Variants in YIPF4 observed in about 807,000 individuals in gnomAD.
YIPF4 encodes the protein protein YIPF4.
In YIPF4, 18 loss-of-function variants were observed where a neutral mutation model predicts 29.4. The observed-to-expected ratio is 0.61, with a 90% CI of 0.42 to 0.91. The LOEUF (loss-of-function observed/expected upper bound fraction) is 0.91. Ranked by LOEUF, YIPF4 falls within the 40% of genes least tolerant of loss-of-function variation. The probability of loss-of-function intolerance (pLI) is 0.00; values close to 1 mark genes in which losing one functional copy is unlikely to be tolerated. For synonymous variants in YIPF4, 115 were observed against 104.7 expected (o/e 1.10, Z -0.60); for missense variants, 279 against 282.7 (o/e 0.99, Z 0.09).
In YIPF4 at chr2:32,294,013, C is replaced by T. The variant is rs1387675096; in HGVS notation, c.405+1665C>T. 9.4e-5 allele frequency among the ~76,000 whole-genome samples: 14 copies of T among 148,486 alleles called. No individual in the cohort carries two copies. The South Asian group carries it at 1.5e-3, about 16-fold the overall frequency. ...GGGGCTGATCCCCCCACCTCCCTCCCGGACAGGGCGGCTGGCCGGGCAGAG... is the reference window on the plus strand; with the variant it reads ...GGGGCTGATCCCCCCACCTCCCTCCTGGACAGGGCGGCTGGCCGGGCAGAG... On this transcript the variant is annotated intron_variant, in intron 3 of 5. Coordinates refer to ENST00000238831, the MANE Select transcript of YIPF4 (RefSeq NM_032312.4).
chr2:32,282,189 AG>A, intron 1 of YIPF4, among the ~76,000 whole-genome samples: 2 of 152,276 alleles, frequency 1.3e-5, no homozygotes, highest in South Asian at 4.1e-4. Context: ...CCAGCTACTC[AG>A]GAGGCTGAAG....
intron 4 of YIPF4, among the ~76,000 whole-genome samples, chr2:32,300,668 A>C (rs2031374886): frequency 6.6e-6 from 1 of 152,082 alleles, no homozygotes; most frequent in Non-Finnish European, 1.5e-5. Context: ...AAAACCTAGT[A>C]TAATATTTAT....
intron 1 of YIPF4, among the ~76,000 whole-genome samples, chr2:32,285,492 A>T (rs1300232559): frequency 1.3e-5 from 2 of 152,096 alleles, no homozygotes; most frequent in African/African-American, 4.8e-5. Context: ...AGTGATCAGT[A>T]AATTGTAGAT....
chr2:32,300,081 A>T (rs1365824451), intron 4 of YIPF4, among the ~76,000 whole-genome samples: 1 of 152,098 alleles, frequency 6.6e-6, no homozygotes, highest in African/African-American at 2.4e-5. Context: ...AGCCTGTCCA[A>T]CATGGAGAAA....
At chr2:32,298,381 A>G in intron 4 of YIPF4, 70 bp downstream of exon 4, 1 of 1,126,028 alleles carries the variant, frequency 8.9e-7, no homozygotes, top group Admixed American at 2.0e-5. Flanking sequence ...TGCAGATATC[A>G]TCATTAGCTA....
chr2:32,304,254 T>G (rs1426167252), intron 5 of YIPF4, among the ~76,000 whole-genome samples: 2 of 152,134 alleles, frequency 1.3e-5, no homozygotes, highest in African/African-American at 2.4e-5. Flanking sequence ...ATAGTTTAAG[T>G]GCAGTGATTT....
rs1450608770 is a variant in YIPF4, at chr2:32,292,333, A to T, written c.390A>T (p.Leu130Phe). 1.3e-6 allele frequency: 2 copies of T among 1,590,426 alleles called. No homozygotes were observed. The highest frequency in any genetic ancestry group is 3.6e-5 in the Admixed American group (2 of 56,216). Residue 130 changes from leucine to phenylalanine, a missense_variant, in exon 3 of 6, where the codon TTA (leucine) becomes TTT (phenylalanine). Physicochemically the swap from Leu to Phe is conservative, Grantham distance 22. Transcript: ENST00000238831. ...AVVLFFSMIS[L>F]YGQFRVVSWI... ...TTCTTTTCTTTTCCATGATATCATTATATGGACAGTTTAGGGTAAGTATAT... is the reference window on the plus strand; with the variant it reads ...TTCTTTTCTTTTCCATGATATCATTTTATGGACAGTTTAGGGTAAGTATAT...
intron 1 of YIPF4, among the ~76,000 whole-genome samples, chr2:32,287,833 G>A (rs1217426535): frequency 6.6e-6 from 1 of 152,074 alleles, no homozygotes; most frequent in Non-Finnish European, 1.5e-5. Flanking sequence ...TTAAAAGATT[G>A]TATCTTTTTA....
chr2:32,283,468 G>A (rs1177355793), intron 1 of YIPF4, among the ~76,000 whole-genome samples: 1 of 152,004 alleles, frequency 6.6e-6, no homozygotes, highest in Non-Finnish European at 1.5e-5. Flanking sequence ...AATGTGCTTT[G>A]GTGTTTTGTC....
chr2:32,294,150 G>A (rs1479398666), intron 3 of YIPF4, among the ~76,000 whole-genome samples: 6 of 151,144 alleles, frequency 4.0e-5, no homozygotes, highest in African/African-American at 9.7e-5. Flanking sequence ...CAGACGGGTC[G>A]GCTGGCCTGG....
At chr2:32,293,849 C>G (rs1201174387) in intron 3 of YIPF4, among the ~76,000 whole-genome samples, 26 of 145,634 alleles carry the variant, frequency 1.8e-4, no homozygotes, top group Non-Finnish European at 3.8e-4. Flanking sequence ...GGGGCTGACC[C>G]CCCCACCTCC....
Position 32,292,307 on chromosome 2 carries a change from G to T in YIPF4, c.364G>T (p.Val122Phe), listed in dbSNP as rs1338823483. 2.5e-6 allele frequency: 4 copies of T among 1,600,428 alleles called. No individual in the cohort carries two copies. The highest frequency in any genetic ancestry group is 1.7e-5 in the Admixed American group (1 of 58,460). The change falls in exon 3 of 6, where the codon GTT (valine) becomes TTT (phenylalanine). Residue 122 changes from valine to phenylalanine, a missense_variant. Transcript: ENST00000238831. ...TGACTTTTGGGGTCCTCTGGCTGTT[G>T]TTCTTTTCTTTTCCATGATATCATT... ...NPDFWGPLAVVLFFSMISLYG... is the reference protein window; with the variant it reads ...NPDFWGPLAVFLFFSMISLYG...
Position 32,305,946 on chromosome 2 carries a change from T to A in YIPF4, c.*320T>A. 1.0e-6 allele frequency: 1 copy of A among 1,000,358 alleles called. No individual in the cohort carries two copies. Among genetic ancestry groups the A allele is most frequent in the East Asian group, 1.0e-4 (1 of 9,868 alleles). 62.0% of individuals were successfully genotyped at this position (1,000,358 alleles called of 1,614,324 possible). Reference sequence around the variant, plus strand: ...CCAAAAGCACCTGGATTGGTAATTATATTTCACTTAAAGGGTAAATTTGAC... The same window carrying A: ...CCAAAAGCACCTGGATTGGTAATTAAATTTCACTTAAAGGGTAAATTTGAC... On this transcript the variant is annotated 3_prime_UTR_variant, in exon 6 of 6. Coordinates refer to ENST00000238831, the MANE Select transcript of YIPF4 (RefSeq NM_032312.4).
At position 32,306,115 on chromosome 2, in the gene YIPF4, A is replaced by G; in HGVS notation, c.*489A>G. On this transcript the variant is annotated 3_prime_UTR_variant, in exon 6 of 6. Transcript: ENST00000238831. ...CAAAATATATTTCTGATAAACATTA[A>G]GATATTAAATCTGATGCACAAACTT... is the stretch of plus-strand genomic sequence containing the variant. 2.6e-6 allele frequency: 2 copies of G among 775,348 alleles called. No individual in the cohort carries two copies. The highest frequency in any genetic ancestry group is 3.1e-6 in the Non-Finnish European group (2 of 642,594). The allele number at this position is 775,348 out of a possible 1,614,324, so 48.0% of individuals were successfully genotyped here. A position where few individuals can be genotyped will look rare whatever the true frequency, so the allele number is the denominator to read the frequency against.
intron 1 of YIPF4, among the ~76,000 whole-genome samples, chr2:32,286,399 TTTTG>T (rs1250334754): frequency 1.3e-4 from 20 of 152,358 alleles, no homozygotes; most frequent in African/African-American, 2.4e-4. Context: ...AATTTCATCT[TTTTG>T]TTTATCAGAT....
At chr2:32,298,128 GA>G in intron 3 of YIPF4, 105 bp from the exon 4 acceptor site, 1 of 818,138 alleles carries the variant, frequency 1.2e-6, no homozygotes, top group South Asian at 1.5e-5. Flanking sequence ...TCTATGACCT[GA>G]AATTGGGCAT....
chr2:32,293,815 C>T lies in YIPF4; in HGVS notation c.405+1467C>T, dbSNP rs1474183434. Among the ~76,000 whole-genome samples the T allele has an allele frequency of 1.1e-4, 16 of 150,212 alleles. No individual in the cohort carries two copies. The South Asian group carries it at 1.5e-3, about 14-fold the overall frequency. On this transcript the variant is annotated intron_variant, in intron 3 of 5. Coordinates refer to ENST00000238831, the MANE Select transcript of YIPF4 (RefSeq NM_032312.4). ...CTGGGCAGAGGCGCCCCTCACCTCC[C>T]GGACGGGGCGGCTGGCCAGGCGGGG...
chr2:32,312,681 A>C lies in YIPF4; in HGVS notation c.*7055A>C, dbSNP rs2031738061. 1 of 151,636 alleles carries C rather than the reference A, an allele frequency of 6.6e-6. No homozygotes were observed. The highest frequency in any genetic ancestry group is 1.5e-5 in the Non-Finnish European group (1 of 67,936). 9.4% of individuals were successfully genotyped at this position (151,636 alleles called of 1,614,324 possible). A position where few individuals can be genotyped will look rare whatever the true frequency, so the allele number is the denominator to read the frequency against. ...CTAGTACTGTGCTGAGTGTAGGGAT[A>C]CAGTGATAATGCAAAAAAGACCCCC... On this transcript the variant is annotated 3_prime_UTR_variant, in exon 6 of 6. Coordinates refer to ENST00000238831, the MANE Select transcript of YIPF4 (RefSeq NM_032312.4).
intron 3 of YIPF4, among the ~76,000 whole-genome samples, chr2:32,296,974 T>C (rs958708636): frequency 2.0e-5 from 3 of 152,222 alleles, no homozygotes; most frequent in African/African-American, 7.2e-5. Flanking sequence ...TTTTTCAAGC[T>C]TTAACCATTG....
Sources: allele counts gnomAD v4.1 joint callset (sites outside exome capture counted in the v4.1 genomes callset), GRCh38; gene constraint gnomAD v4.1.1; transcripts MANE v1.5; gene names NCBI Gene and HGNC (gene_info 2026-07-23, HGNC 2026-07-21).